The following UGP2 variants were observed in gnomAD, a reference collection of about 807,000 sequenced individuals.
The protein encoded by UGP2 is UTP--glucose-1-phosphate uridylyltransferase.
Under a neutral mutation model 49.0 loss-of-function variants are expected in UGP2, and 40 were observed. That is an observed-to-expected ratio of 0.82 (90% CI 0.63 to 1.06). The LOEUF (loss-of-function observed/expected upper bound fraction) is 1.06. UGP2 is among the 50% of genes least tolerant of loss of function. The pLI is 0.00. For synonymous variants in UGP2, 225 were observed against 213.0 expected, an observed-to-expected ratio of 1.06 and a Z score of -0.49; for missense variants, 460 against 603.5, an observed-to-expected ratio of 0.76 and a Z score of 2.49.
chr2:63,856,850 G>A (rs1031414716), intron 2 of UGP2: 3 of 456,794 alleles, frequency 6.6e-6, no homozygotes, highest in Non-Finnish European at 1.3e-5. Context: ...CCAGAACTGG[G>A]AGGCATTTAC....
In UGP2 at chr2:63,842,077, G is replaced by C; in HGVS notation, c.-109G>C. 7.4e-7 allele frequency: 1 copy of C among 1,359,190 alleles called. No homozygotes were observed. Among genetic ancestry groups the C allele is most frequent in the Non-Finnish European group, 9.9e-7 (1 of 1,005,846 alleles). 84.2% of individuals were successfully genotyped at this position (1,359,190 alleles called of 1,614,324 possible). ...CCTTAAGTAGTTAAATATAGGAGGA[G>C]AAAGAATACATCGGTTGTTAAAGCA... On this transcript the variant is annotated 5_prime_UTR_variant, in exon 1 of 10. Coordinates refer to ENST00000337130, the MANE Select transcript of UGP2 (RefSeq NM_006759.4).
intron 1 of UGP2, among the ~76,000 whole-genome samples, chr2:63,849,664 T>G (rs1668912262): frequency 6.6e-6 from 1 of 152,182 alleles, no homozygotes; most frequent in African/African-American, 2.4e-5. Context: ...TCATTCAGAT[T>G]TAGTGGCAAA....
In UGP2 at chr2:63,885,875, G is replaced by A; in HGVS notation, c.862G>A (p.Ala288Thr). ...FVMEVTNKTR[A>T]DVKGGTLTQY... ...CATGGAAGTCACAAATAAAACACGT[G>A]CAGATGTAAAGGTAAATACCGAGAG... is the stretch of plus-strand genomic sequence containing the variant. Residue 288 changes from alanine (A) to threonine (T), a missense_variant, in exon 6 of 10, where the codon GCA (alanine) becomes ACA (threonine). This residue lies in a region of UGP2 where 317 missense variants were observed against 473.0 expected (regional missense o/e 0.67). Transcript: ENST00000337130. The A allele has an allele frequency of 6.3e-7, 1 of 1,587,712 alleles. No homozygotes were observed. The highest frequency in any genetic ancestry group is 8.6e-7 in the Non-Finnish European group (1 of 1,168,982).
chr2:63,887,401 G>C lies in UGP2; in HGVS notation c.1072-1G>C, dbSNP rs1430373197. Reference sequence around the variant, plus strand: ...TATTCCCCACCCCTAATTTCTTACAGACTTTGGATGGAGGCCTGAATGTCA... The same window carrying C: ...TATTCCCCACCCCTAATTTCTTACACACTTTGGATGGAGGCCTGAATGTCA... On this transcript the variant is annotated splice_acceptor_variant, in intron 7 of 9. Transcript: ENST00000337130. LOFTEE classifies it high-confidence loss of function. 4 of 1,613,574 alleles carry C rather than the reference G, an allele frequency of 2.5e-6. No homozygotes were observed. Among genetic ancestry groups the C allele is most frequent in the Non-Finnish European group, 3.4e-6 (4 of 1,179,966 alleles).
chr2:63,882,275 G>T (rs1671369635), intron 3 of UGP2, among the ~76,000 whole-genome samples, 191 bp from the exon 4 acceptor site: 2 of 152,178 alleles, frequency 1.3e-5, no homozygotes. Flanking sequence ...ACTACTGTGT[G>T]CAAGGGAAGT....
intron 1 of UGP2, among the ~76,000 whole-genome samples, chr2:63,844,825 G>A (rs962233482): frequency 1.3e-5 from 2 of 152,166 alleles, no homozygotes; most frequent in Admixed American, 6.5e-5. Context: ...GCCTCCCAGA[G>A]TACTGGGATT....
intron 1 of UGP2, among the ~76,000 whole-genome samples, chr2:63,848,323 C>G (rs1668808058): frequency 6.6e-6 from 1 of 152,158 alleles, no homozygotes; most frequent in South Asian, 2.1e-4. Flanking sequence ...TGGATTGTCC[C>G]AGGCACAATG....
rs146545445 is a variant in UGP2, at chr2:63,854,851, C to T, written c.20-1455C>T. Reference sequence around the variant, plus strand: ...AGAAACAAAGGTTAGAGACATTTCTCGAGTTTGATCCTGTGTCTGGGATTT... The same window carrying T: ...AGAAACAAAGGTTAGAGACATTTCTTGAGTTTGATCCTGTGTCTGGGATTT... On this transcript the variant is annotated intron_variant, in intron 1 of 9. Transcript: ENST00000337130. 3.3e-5 allele frequency: 5 copies of T among 152,310 alleles called. No individual in the cohort carries two copies. The East Asian group carries it at 5.8e-4, about 18-fold the overall frequency. 9.4% of individuals were successfully genotyped at this position (152,310 alleles called of 1,614,324 possible).
In UGP2 at chr2:63,841,945, A is replaced by T. The variant is rs912749668; in HGVS notation, c.-241A>T. 6 of 459,530 alleles carry T rather than the reference A, an allele frequency of 1.3e-5. No homozygotes were observed. Among genetic ancestry groups the T allele is most frequent in the Admixed American group, 3.9e-5 (1 of 25,460 alleles). The allele number at this position is 459,530 out of a possible 1,614,324, so 28.5% of individuals were successfully genotyped here. A position where few individuals can be genotyped will look rare whatever the true frequency, so the allele number is the denominator to read the frequency against. ...TGTGTCCGGAGCTCAGGAGTTCCCA[A>T]ACCGACTCAGTCGCACCAAGTTTCC... is the stretch of plus-strand genomic sequence containing the variant. On this transcript the variant is annotated 5_prime_UTR_variant, in exon 1 of 10. Coordinates refer to ENST00000337130, the MANE Select transcript of UGP2 (RefSeq NM_006759.4).
intron 3 of UGP2, chr2:63,862,726 G>T: frequency 2.3e-6 from 1 of 441,136 alleles, no homozygotes; most frequent in Non-Finnish European, 4.6e-6. Context: ...GGGTTTAGGT[G>T]GTAATACTAC....
Position 63,842,001 on chromosome 2 carries a change from C to A in UGP2, c.-185C>A, listed in dbSNP as rs1042724132. 1.6e-5 allele frequency: 11 copies of A among 667,992 alleles called. No individual in the cohort carries two copies. The highest frequency in any genetic ancestry group is 1.5e-4 in the African/African-American group (8 of 53,900). 41.4% of individuals were successfully genotyped at this position (667,992 alleles called of 1,614,324 possible). A position where few individuals can be genotyped will look rare whatever the true frequency, so the allele number is the denominator to read the frequency against. Reference sequence around the variant, plus strand: ...TTGGAATTGGGGAAGGAGTTTCTTTCTTTCTTTTCTTTTTTCTTGAGCCAG... The same window carrying A: ...TTGGAATTGGGGAAGGAGTTTCTTTATTTCTTTTCTTTTTTCTTGAGCCAG... On this transcript the variant is annotated 5_prime_UTR_variant, in exon 1 of 10. Transcript: ENST00000337130.
chr2:63,880,110 A>G (rs938673808), intron 3 of UGP2, among the ~76,000 whole-genome samples: 4 of 152,174 alleles, frequency 2.6e-5, no homozygotes, highest in African/African-American at 7.2e-5. Flanking sequence ...ACTTACAGCC[A>G]TTGATCACAG....
chr2:63,856,418 A>G lies in UGP2; in HGVS notation c.132A>G (p.Ser44=), dbSNP rs756006880. The G allele has an allele frequency of 5.0e-6, 8 of 1,612,214 alleles. No individual in the cohort carries two copies. Among genetic ancestry groups the G allele is most frequent in the African/African-American group, 1.3e-5 (1 of 74,906 alleles). ...KELEKILTTA[S]SHEFEHTKKD... is the part of the protein sequence containing the mutation. ...TAGAAAAAATACTCACCACAGCATC[A>G]TCACATGAATTTGAGGTAAGGAGGT... The change falls in exon 2 of 10, where the codon TCA becomes TCG. Residue 44 remains serine, a synonymous_variant. Coordinates refer to ENST00000337130, the MANE Select transcript of UGP2 (RefSeq NM_006759.4).
At chr2:63,868,998 C>T (rs1670367989) in intron 3 of UGP2, among the ~76,000 whole-genome samples, 1 of 151,930 alleles carries the variant, frequency 6.6e-6, no homozygotes. Context: ...TCAATTTGCA[C>T]TCCCATTCAT....
intron 3 of UGP2, among the ~76,000 whole-genome samples, chr2:63,863,816 T>C (rs1266534682): frequency 6.6e-6 from 1 of 152,156 alleles, no homozygotes; most frequent in African/African-American, 2.4e-5. Context: ...ATATGAAAGA[T>C]AGCTGAGAAG....
intron 1 of UGP2, among the ~76,000 whole-genome samples, chr2:63,843,437 A>G (rs1671719292): frequency 6.6e-6 from 1 of 152,270 alleles, no homozygotes; most frequent in Non-Finnish European, 1.5e-5. Context: ...GTTTTGTAAT[A>G]ACAATATTCA....
At chr2:63,884,966 G>GTTT (rs1270501729) in intron 5 of UGP2, among the ~76,000 whole-genome samples, 1 of 56,890 alleles carries the variant, frequency 1.8e-5, no homozygotes, top group Non-Finnish European at 3.7e-5. Context: ...TTGTTTGGTT[G>GTTT]TTTTTAAGAT....
chr2:63,858,215 AATATCCC>A (rs780873426), intron 3 of UGP2, among the ~76,000 whole-genome samples: 6 of 152,280 alleles, frequency 3.9e-5, no homozygotes, highest in Non-Finnish European at 8.8e-5. Context: ...CAAAGCACTA[AATATCCC>A]ATAAGAGCTT....
At chr2:63,876,464 A>G (rs1670910843) in intron 3 of UGP2, among the ~76,000 whole-genome samples, 1 of 152,166 alleles carries the variant, frequency 6.6e-6, no homozygotes, top group Non-Finnish European at 1.5e-5. Context: ...ACCACTTGAA[A>G]TATTTCTCCC....
Sources: allele counts gnomAD v4.1 joint callset (sites outside exome capture counted in the v4.1 genomes callset), GRCh38; gene constraint gnomAD v4.1.1; regional missense constraint gnomAD v4.1.1; transcripts MANE v1.5; gene names NCBI Gene and HGNC (gene_info 2026-07-23, HGNC 2026-07-21).